Variants in TBC1D19 observed in about 807,000 individuals in gnomAD.
The protein encoded by TBC1D19 is TBC1 domain family member 19, also known as TBC1 domain family, member 19.
A neutral mutation model predicts 89.0 loss-of-function variants in TBC1D19; 60 were observed. That is an observed-to-expected ratio of 0.67 (90% CI 0.55 to 0.84). The LOEUF (loss-of-function observed/expected upper bound fraction) is 0.84. Among genes scored for constraint, TBC1D19 ranks in the 40% least tolerant of loss-of-function variants. The probability of loss-of-function intolerance (pLI) is 0.00; values close to 1 mark genes in which losing one functional copy is unlikely to be tolerated. For missense variants in TBC1D19, 500 were observed against 610.8 expected (o/e 0.82, Z 1.91); for synonymous variants, 189 against 199.7 (o/e 0.95, Z 0.45).
At chr4:26,584,444 CA>C in intron 1 of TBC1D19, 152 bp downstream of exon 1, 2 of 716,562 alleles carry the variant, frequency 2.8e-6, no homozygotes, top group Non-Finnish European at 4.5e-6. Flanking sequence ...AAAACAAAAA[CA>C]AAAACAAAAA....
At chr4:26,781,315 CAA>C in the TBC1D19 span, among the ~76,000 whole-genome samples, 1 of 152,168 alleles carries the variant, frequency 6.6e-6, no homozygotes, top group Non-Finnish European at 1.5e-5. Flanking sequence ...GGCTGGGTAA[CAA>C]AGTGAGGCTC....
chr4:26,603,315 G>A (rs1318450018), intron 1 of TBC1D19, among the ~76,000 whole-genome samples: 2 of 152,106 alleles, frequency 1.3e-5, no homozygotes, highest in African/African-American at 4.8e-5. Flanking sequence ...TATTTGAAAA[G>A]ATCAGTGTAT....
chr4:26,710,255 C>A (rs1716071734), intron 13 of TBC1D19, among the ~76,000 whole-genome samples: 1 of 151,892 alleles, frequency 6.6e-6, no homozygotes, highest in Admixed American at 6.6e-5. Context: ...TTGTTCAATT[C>A]CCACCTATGA....
the TBC1D19 span, among the ~76,000 whole-genome samples, chr4:26,813,385 GGGGCAAGTTTA>G: frequency 6.6e-6 from 1 of 152,228 alleles, no homozygotes; most frequent in East Asian, 1.9e-4. Context: ...CCAATTTTTA[GGGGCAAGTTTA>G]GCCCCAAAAT....
rs1741988224 is a variant in TBC1D19 at position 26,620,685 on chromosome 4, A to G, written c.291A>G (p.Ala97=). The G allele has an allele frequency of 6.2e-7, 1 of 1,613,376 alleles. No homozygotes were observed. The highest frequency in any genetic ancestry group is 1.3e-5 in the African/African-American group (1 of 75,030). The change falls in exon 4 of 21, where the codon GCA becomes GCG. Residue 97 remains alanine, a synonymous_variant. Transcript: ENST00000264866. ...LKEPLVYMRK[A]QGSWEKRILK... ...AACCTTTGGTATACATGAGGAAAGC[A>G]CAGGTTGGCTATTGTTCAATTTCAT... is the stretch of plus-strand genomic sequence containing the variant.
At chr4:26,595,254 G>C (rs1014107113) in intron 1 of TBC1D19, among the ~76,000 whole-genome samples, 7 of 152,144 alleles carry the variant, frequency 4.6e-5, no homozygotes, top group African/African-American at 1.7e-4. Context: ...TGTCTTTTCA[G>C]ATCTTTTGCC....
the TBC1D19 span, among the ~76,000 whole-genome samples, chr4:26,817,454 T>C: frequency 6.6e-6 from 1 of 152,186 alleles, no homozygotes; most frequent in Non-Finnish European, 1.5e-5. Context: ...ACTTGGTAGT[T>C]GCGTGCCCTT....
At chr4:26,696,867 A>G (rs1714835459) in intron 13 of TBC1D19, among the ~76,000 whole-genome samples, 1 of 152,244 alleles carries the variant, frequency 6.6e-6, no homozygotes, top group African/African-American at 2.4e-5. Context: ...CAGTGTGTAG[A>G]GGGAAATTTA....
At chr4:26,785,856 T>C in the TBC1D19 span, among the ~76,000 whole-genome samples, 3 of 152,226 alleles carry the variant, frequency 2.0e-5, no homozygotes, top group Non-Finnish European at 2.9e-5. Context: ...AATACCACTT[T>C]GGCTGCTATT....
chr4:26,825,998 T>C, the TBC1D19 span, among the ~76,000 whole-genome samples: 1 of 152,078 alleles, frequency 6.6e-6, no homozygotes, highest in Non-Finnish European at 1.5e-5. Flanking sequence ...GGTCAGGAGT[T>C]CAAGACCAAC....
intron 10 of TBC1D19, among the ~76,000 whole-genome samples, chr4:26,673,128 T>G (rs1712460480): frequency 6.6e-6 from 1 of 151,804 alleles, no homozygotes; most frequent in Admixed American, 6.6e-5. Flanking sequence ...AGATAACATA[T>G]TGATTGTGTG....
the TBC1D19 span, among the ~76,000 whole-genome samples, chr4:26,764,304 A>G: frequency 6.6e-6 from 1 of 152,142 alleles, no homozygotes; most frequent in Non-Finnish European, 1.5e-5. Flanking sequence ...TTTTCACAGA[A>G]TCTAGCTGCC....
At chr4:26,660,914 C>T (rs1190314458) in intron 8 of TBC1D19, among the ~76,000 whole-genome samples, 1 of 152,162 alleles carries the variant, frequency 6.6e-6, no homozygotes, top group Non-Finnish European at 1.5e-5. Flanking sequence ...TCTGTTTTTC[C>T]CTGTTCACAT....
At chr4:26,674,456 TAGTG>T (rs1712607276) in intron 11 of TBC1D19, among the ~76,000 whole-genome samples, 4 of 152,096 alleles carry the variant, frequency 2.6e-5, no homozygotes, top group African/African-American at 7.2e-5. Context: ...GAAATATTCT[TAGTG>T]GGGATTTTTT....
chr4:26,617,053 T>A (rs1216434996), intron 3 of TBC1D19, among the ~76,000 whole-genome samples: 2 of 152,218 alleles, frequency 1.3e-5, no homozygotes, highest in East Asian at 1.9e-4. Flanking sequence ...GGTGATGCTA[T>A]AACAGAATAC....
chr4:26,834,067 T>C, the TBC1D19 span, among the ~76,000 whole-genome samples: 1 of 152,098 alleles, frequency 6.6e-6, no homozygotes, highest in Non-Finnish European at 1.5e-5. Flanking sequence ...ATCTGGTTGT[T>C]TATAAGTGTA....
At chr4:26,636,465 A>G (rs1577845614) in intron 4 of TBC1D19, among the ~76,000 whole-genome samples, 1 of 142,640 alleles carries the variant, frequency 7.0e-6, no homozygotes, top group East Asian at 2.1e-4. Context: ...ACTGGCCTGG[A>G]CCTTTCAAGA....
chr4:26,797,416 A>G, the TBC1D19 span, among the ~76,000 whole-genome samples: 7 of 152,248 alleles, frequency 4.6e-5, no homozygotes, highest in Non-Finnish European at 1.0e-4. Flanking sequence ...GTGGAAAAAC[A>G]TCCCATGCTC....
chr4:26,654,672 T>A (rs1410280073), intron 7 of TBC1D19, among the ~76,000 whole-genome samples: 1 of 152,256 alleles, frequency 6.6e-6, no homozygotes, highest in Admixed American at 6.5e-5. Context: ...TTGAATCAGC[T>A]ACTGAGGCTT....
Sources: allele counts gnomAD v4.1 joint callset (sites outside exome capture counted in the v4.1 genomes callset), GRCh38; gene constraint gnomAD v4.1.1; transcripts MANE v1.5; gene names NCBI Gene and HGNC (gene_info 2026-07-23, HGNC 2026-07-21).